The following LAMA1 variants were observed in gnomAD, a reference collection of about 807,000 sequenced individuals.
LAMA1 encodes the protein laminin subunit alpha-1.
Under a neutral mutation model 348.7 loss-of-function variants are expected in LAMA1, and 219 were observed. That is an observed-to-expected ratio of 0.63 (90% CI 0.56 to 0.70). LAMA1 has a LOEUF of 0.70. Among genes scored for constraint, LAMA1 ranks in the 30% least tolerant of loss-of-function variants. LAMA1 has a pLI of 0.00. For synonymous variants in LAMA1, 1,487 were observed against 1,491.0 expected (o/e 1.00, Z 0.06); for missense variants, 3,744 against 3,888.0 (o/e 0.96, Z 0.99).
In LAMA1 at chr18:7,043,375, C is replaced by T. The variant is rs777604414; in HGVS notation, c.1007G>A (p.Cys336Tyr). 1.2e-6 allele frequency: 2 copies of T among 1,613,782 alleles called. No homozygotes were observed. Among genetic ancestry groups the T allele is most frequent in the South Asian group, 2.2e-5 (2 of 91,076 alleles). ...ACNCHNKAKD[C>Y]YYDESVAKQK... ...CTTTGCAACACTTTCATCATAGTAA[C>T]AGTCTTTGGCTTTATTGTGACAATT... The change falls in exon 8 of 63, where the codon TGT becomes TAT. Residue 336 changes from cysteine (C) to tyrosine (Y), a missense_variant. This residue lies in a region of LAMA1 where 1,529 missense variants were observed against 1,689.4 expected (regional missense o/e 0.91). Coordinates refer to ENST00000389658, the MANE Select transcript of LAMA1 (RefSeq NM_005559.4).
chr18:7,003,255 GTT>G (rs5822938), intron 29 of LAMA1, among the ~76,000 whole-genome samples: 14,695 of 140,658 alleles, frequency 0.1, 915 homozygotes, highest in East Asian at 0.19. Flanking sequence ...TATTTTGGTT[GTT>G]TTTTTTTTTT....
Position 6,988,445 on chromosome 18 carries a change from C to A in LAMA1, c.5169-2098G>T, listed in dbSNP as rs114720794. Among the ~76,000 whole-genome samples the A allele has an allele frequency of 4.3e-3, 659 of 152,292 alleles. 5 individuals carry two copies. The highest frequency in any genetic ancestry group is 0.015 in the African/African-American group (616 of 41,574). On this transcript the variant is annotated intron_variant, in intron 36 of 62. Coordinates refer to ENST00000389658, the MANE Select transcript of LAMA1 (RefSeq NM_005559.4). ...CAGCGTACTAAAAGCTTTGAGAAGA[C>A]CTGCAGTACAGAACTTGGCTCTCCT... is the stretch of plus-strand genomic sequence containing the variant.
intron 55 of LAMA1, 53 bp downstream of exon 55, chr18:6,958,424 T>G: frequency 6.3e-7 from 1 of 1,578,784 alleles, no homozygotes; most frequent in Non-Finnish European, 8.7e-7. Context: ...GTGTTAGCAC[T>G]CACCATGAAA....
At chr18:7,030,441 C>CA (rs994084171) in intron 16 of LAMA1, among the ~76,000 whole-genome samples, 5 of 151,492 alleles carry the variant, frequency 3.3e-5, no homozygotes, top group South Asian at 2.1e-4. Flanking sequence ...TTCGATCCTA[C>CA]AAAAAAAAGG....
intron 36 of LAMA1, among the ~76,000 whole-genome samples, chr18:6,987,445 G>T (rs2057740240): frequency 6.6e-6 from 1 of 152,166 alleles, no homozygotes; most frequent in African/African-American, 2.4e-5. Flanking sequence ...AAAAAGATAT[G>T]ATTTGTACCA....
intron 40 of LAMA1, 35 bp downstream of exon 40, chr18:6,983,064 C>T (rs781780140): frequency 1.2e-6 from 2 of 1,614,036 alleles, no homozygotes; most frequent in Non-Finnish European, 8.5e-7. Context: ...AAATCTCCCA[C>T]AGAGCCCAGA....
In LAMA1 at chr18:7,017,305, C is replaced by T. The variant is rs780220076; in HGVS notation, c.2781G>A (p.Val927=). ...AGCACTGGTCACACTGCTGTCCAGT[C>T]ACGTTTGGTTTGCAGTCACAGAGCC... The part of the protein sequence containing the change: ...ETGLCDCKPN[V]TGQQCDQCLH... The change falls in exon 20 of 63, where the codon GTG becomes GTA. Residue 927 remains valine, a synonymous_variant. Coordinates refer to ENST00000389658, the MANE Select transcript of LAMA1 (RefSeq NM_005559.4). 1.2e-6 allele frequency: 2 copies of T among 1,613,882 alleles called. No individual in the cohort carries two copies. Among genetic ancestry groups the T allele is most frequent in the Non-Finnish European group, 1.7e-6 (2 of 1,179,874 alleles).
At chr18:6,968,292 G>A (rs970154655) in intron 48 of LAMA1, among the ~76,000 whole-genome samples, 4 of 152,164 alleles carry the variant, frequency 2.6e-5, no homozygotes, top group East Asian at 1.9e-4. Context: ...CTGATTCTCC[G>A]AGGGCTCCCT....
chr18:6,958,290 T>C (rs987543106), intron 55 of LAMA1, among the ~76,000 whole-genome samples, 187 bp downstream of exon 55: 1 of 152,172 alleles, frequency 6.6e-6, no homozygotes, highest in Non-Finnish European at 1.5e-5. Flanking sequence ...ACCAGATCTG[T>C]CTAACATTCT....
chr18:7,018,101 C>T (rs1378229665), intron 19 of LAMA1, among the ~76,000 whole-genome samples: 1 of 151,840 alleles, frequency 6.6e-6, no homozygotes, highest in Non-Finnish European at 1.5e-5. Flanking sequence ...TTTGGGAGGA[C>T]AAGGAAGGCG....
intron 16 of LAMA1, among the ~76,000 whole-genome samples, chr18:7,030,433 C>T (rs1301596160): frequency 6.6e-6 from 1 of 151,904 alleles, no homozygotes; most frequent in Non-Finnish European, 1.5e-5. Context: ...GTCCTGGGTT[C>T]GATCCTACAA....
At chr18:7,057,471 C>CTTTTTTTTTTTTTTTTTTTTT (rs552843703) in intron 3 of LAMA1, among the ~76,000 whole-genome samples, 3 of 90,808 alleles carry the variant, frequency 3.3e-5, no homozygotes, top group Non-Finnish European at 7.4e-5. Flanking sequence ...CTTTTCTTTT[C>CTTTTTTTTTTTTTTTTTTTTT]TTTTTTTTTT....
chr18:7,038,574 C>T, intron 11 of LAMA1: 1 of 607,710 alleles, frequency 1.6e-6, no homozygotes, highest in East Asian at 2.9e-5. Flanking sequence ...AAGACGTGTT[C>T]TCTAGTGCCA....
intron 55 of LAMA1, chr18:6,957,143 C>A (rs1186809472): frequency 6.3e-6 from 2 of 317,082 alleles, no homozygotes; most frequent in Non-Finnish European, 1.2e-5. Context: ...ACACTGATTT[C>A]TTGTTTACGT....
At chr18:7,042,340 C>T in intron 8 of LAMA1, 90 bp from the exon 9 acceptor site, 1 of 770,438 alleles carries the variant, frequency 1.3e-6, no homozygotes, top group East Asian at 2.7e-5. Flanking sequence ...GCTTTTTACT[C>T]AAGATGGGAC....
chr18:7,055,112 CTGTG>C (rs147015838), intron 3 of LAMA1, among the ~76,000 whole-genome samples: 26 of 145,224 alleles, frequency 1.8e-4, no homozygotes, highest in African/African-American at 4.3e-4. Context: ...CAAGGGTCAG[CTGTG>C]TGTGTGTGTG....
intron 1 of LAMA1, among the ~76,000 whole-genome samples, chr18:7,097,464 A>G (rs2058266514): frequency 6.8e-6 from 1 of 147,946 alleles, no homozygotes; most frequent in African/African-American, 2.5e-5. Flanking sequence ...ATTGATCTGT[A>G]GGTTCCATCC....
rs141847798 is a variant in LAMA1, at chr18:7,084,737, T to C, written c.62-4280A>G. Among the ~76,000 whole-genome samples the C allele has an allele frequency of 7.9e-3, 1,201 of 152,328 alleles. 15 individuals are homozygous for C. The highest frequency in any genetic ancestry group is 0.027 in the African/African-American group (1,142 of 41,562). On this transcript the variant is annotated intron_variant, in intron 1 of 62. Transcript: ENST00000389658. Reference sequence around the variant, plus strand: ...ATGTTAACCTACTGGAAGATTCTCTTATAAACATTAGGTGAAAAACGGCCA... The same window carrying C: ...ATGTTAACCTACTGGAAGATTCTCTCATAAACATTAGGTGAAAAACGGCCA...
chr18:7,098,349 A>C, intron 1 of LAMA1, among the ~76,000 whole-genome samples: 1 of 133,376 alleles, frequency 7.5e-6, no homozygotes, highest in African/African-American at 2.9e-5. Context: ...CTGGCTGCCC[A>C]GTCTGGAAAG....
Sources: gnomAD v4.1 joint callset for allele counts (sites outside exome capture counted in the v4.1 genomes callset) on GRCh38, gnomAD v4.1.1 for gene constraint, gnomAD v4.1.1 regional missense constraint, MANE v1.5 for transcripts, NCBI Gene and HGNC (gene_info 2026-07-23, HGNC 2026-07-21) for gene names.